The following TMEM232 variants were observed in gnomAD, a reference collection of about 807,000 sequenced individuals.
TMEM232 encodes the protein transmembrane protein 232.
Under a neutral mutation model 78.8 loss-of-function variants are expected in TMEM232, and 80 were observed. The observed-to-expected ratio is 1.01, with a 90% CI of 0.85 to 1.22. The LOEUF is 1.22. Among genes scored for constraint, TMEM232 ranks in the 50% most tolerant of loss-of-function variants. TMEM232 has a pLI of 0.00. For synonymous variants in TMEM232, 297 were observed against 254.3 expected (o/e 1.17, Z -1.60); for missense variants, 881 against 742.2 (o/e 1.19, Z -2.17).
intron 10 of TMEM232, among the ~76,000 whole-genome samples, chr5:110,582,705 G>A (rs753836685): frequency 2.0e-5 from 3 of 151,894 alleles, no homozygotes; most frequent in Non-Finnish European, 4.4e-5. Context: ...AATAAGACAG[G>A]AAGAAGTGAA....
chr5:110,665,672 G>A (rs1790467599), intron 2 of TMEM232, among the ~76,000 whole-genome samples: 1 of 152,040 alleles, frequency 6.6e-6, no homozygotes, highest in African/African-American at 2.4e-5. Flanking sequence ...GACACATGGG[G>A]ATTATAATTC....
At chr5:110,633,248 C>T (rs1785372729) in intron 5 of TMEM232, among the ~76,000 whole-genome samples, 1 of 151,962 alleles carries the variant, frequency 6.6e-6, no homozygotes, top group Non-Finnish European at 1.5e-5. Flanking sequence ...AGTTCTAAAC[C>T]TGGAAGAGGA....
chr5:110,546,860 A>T (rs1366716493), intron 11 of TMEM232, among the ~76,000 whole-genome samples: 2 of 152,224 alleles, frequency 1.3e-5, no homozygotes, highest in African/African-American at 4.8e-5. Context: ...GGATTTCGGG[A>T]ATTAGCAAGT....
chr5:110,531,823 C>T (rs183552726), intron 11 of TMEM232, among the ~76,000 whole-genome samples: 184 of 152,242 alleles, frequency 1.2e-3, no homozygotes, highest in Non-Finnish European at 1.7e-3. Context: ...GCTTTACAGC[C>T]CTAGACCCTA....
chr5:110,435,944 T>C (rs778813550), intron 12 of TMEM232, among the ~76,000 whole-genome samples: 13 of 151,926 alleles, frequency 8.6e-5, no homozygotes, highest in Admixed American at 1.3e-4. Flanking sequence ...CTCTTCTATA[T>C]ATGGATTTCC....
chr5:110,416,072 A>C (rs1756197915), downstream of TMEM232, among the ~76,000 whole-genome samples: 2 of 152,244 alleles, frequency 1.3e-5, no homozygotes, highest in African/African-American at 4.8e-5. Flanking sequence ...AAGTAACTTA[A>C]GTCATCAACA....
chr5:110,575,398 T>C (rs996306125), intron 10 of TMEM232, among the ~76,000 whole-genome samples: 2 of 152,002 alleles, frequency 1.3e-5, no homozygotes, highest in Non-Finnish European at 2.9e-5. Context: ...CAATTGCAAA[T>C]AGGATGCCAA....
chr5:110,737,551 TC>T (rs1453072675), intron 1 of TMEM232, among the ~76,000 whole-genome samples: 2 of 152,224 alleles, frequency 1.3e-5, no homozygotes, highest in Non-Finnish European at 2.9e-5. Flanking sequence ...ATGTGCATTT[TC>T]CCTTTTAAAC....
At chr5:110,496,540 A>G (rs1442062890) in intron 12 of TMEM232, among the ~76,000 whole-genome samples, 1 of 152,056 alleles carries the variant, frequency 6.6e-6, no homozygotes, top group African/African-American at 2.4e-5. Context: ...AATTATAGCA[A>G]TGCTATAATT....
intron 12 of TMEM232, among the ~76,000 whole-genome samples, chr5:110,455,075 A>C (rs1481760341): frequency 6.6e-6 from 1 of 152,148 alleles, no homozygotes; most frequent in Non-Finnish European, 1.5e-5. Flanking sequence ...TGAAAGGTAT[A>C]AACTATAAAC....
intron 11 of TMEM232, among the ~76,000 whole-genome samples, chr5:110,542,268 T>A (rs1031783702): frequency 6.6e-6 from 1 of 152,198 alleles, no homozygotes; most frequent in African/African-American, 2.4e-5. Context: ...TATAGTTCAT[T>A]GCCTTTTCCA....
At chr5:110,510,770 C>T (rs571933493) in intron 12 of TMEM232, among the ~76,000 whole-genome samples, 143 of 151,916 alleles carry the variant, frequency 9.4e-4, no homozygotes, top group Non-Finnish European at 2.4e-4. Flanking sequence ...GTTAGAATGG[C>T]GATCATTAAA....
intron 11 of TMEM232, among the ~76,000 whole-genome samples, chr5:110,547,173 T>C (rs1252348403): frequency 2.0e-5 from 3 of 152,164 alleles, no homozygotes; most frequent in Non-Finnish European, 2.9e-5. Flanking sequence ...TTTTGTCTTG[T>C]TTTGTCTTAT....
rs77503178 is a variant in TMEM232, at chr5:110,610,218, G to A, written c.903-3931C>T. Reference sequence around the variant, plus strand: ...AAGGAACAAGGAAGGAAGGAAGGAAGGGAGGGAGGGAAAAAGAAAGGAAGG... The same window carrying A: ...AAGGAACAAGGAAGGAAGGAAGGAAAGGAGGGAGGGAAAAAGAAAGGAAGG... On this transcript the variant is annotated intron_variant, in intron 8 of 13. Transcript: ENST00000455884. 4.9e-3 allele frequency among the ~76,000 whole-genome samples: 719 copies of A among 146,654 alleles called. 19 individuals are homozygous for A. The highest frequency in any genetic ancestry group is 0.017 in the African/African-American group (660 of 38,192).
intron 10 of TMEM232, among the ~76,000 whole-genome samples, chr5:110,597,208 T>C (rs1264918333): frequency 6.6e-6 from 1 of 152,134 alleles, no homozygotes; most frequent in Non-Finnish European, 1.5e-5. Flanking sequence ...ACAAGCATTC[T>C]TATACACCAA....
At chr5:110,411,391 T>C (rs1222427933) in intron 2 of TMEM232, among the ~76,000 whole-genome samples, 1 of 152,236 alleles carries the variant, frequency 6.6e-6, no homozygotes, top group African/African-American at 2.4e-5. Context: ...ATTTCCTTTC[T>C]TTCTCCTTTT....
intron 12 of TMEM232, among the ~76,000 whole-genome samples, chr5:110,517,252 G>A (rs1333078263): frequency 6.6e-6 from 1 of 152,124 alleles, no homozygotes; most frequent in East Asian, 1.9e-4. Context: ...CTATTAATTC[G>A]ATTTGGGAGC....
chr5:110,480,614 T>C (rs1763754999), intron 12 of TMEM232, among the ~76,000 whole-genome samples: 1 of 152,072 alleles, frequency 6.6e-6, no homozygotes, highest in Non-Finnish European at 1.5e-5. Flanking sequence ...CCATTCCTTT[T>C]GATACTGTTG....
chr5:110,566,168 A>G (rs1480254106), intron 11 of TMEM232, among the ~76,000 whole-genome samples: 1 of 151,842 alleles, frequency 6.6e-6, no homozygotes, highest in Non-Finnish European at 1.5e-5. Context: ...TATGCTTTTT[A>G]TAGTCTGCTT....
Sources: gnomAD v4.1 joint callset for allele counts (sites outside exome capture counted in the v4.1 genomes callset) on GRCh38, gnomAD v4.1.1 for gene constraint, MANE v1.5 for transcripts, NCBI Gene and HGNC (gene_info 2026-07-23, HGNC 2026-07-21) for gene names.